CTNNA2: variants seen among roughly 807,000 people sequenced by gnomAD.
CTNNA2 encodes the protein catenin alpha-2.
Under a neutral mutation model 101.0 loss-of-function variants are expected in CTNNA2, and 42 were observed. The ratio of observed to expected loss-of-function variants is 0.42; its 90% CI spans 0.32 to 0.54. The LOEUF (loss-of-function observed/expected upper bound fraction) is 0.54, where lower values mean the gene tolerates loss of function less well. CTNNA2 is among the 20% of genes least tolerant of loss of function. The probability of loss-of-function intolerance (pLI) is 0.14; values close to 1 mark genes in which losing one functional copy is unlikely to be tolerated. For synonymous variants in CTNNA2, 450 were observed against 456.4 expected, an observed-to-expected ratio of 0.99 and a Z score of 0.18; for missense variants, 871 against 1,223.1, an observed-to-expected ratio of 0.71 and a Z score of 4.29.
At position 80,302,893 on chromosome 2, in the gene CTNNA2, G is replaced by A. The variant is rs2149208126; in HGVS notation, c.1057-90318G>A. 1.2e-6 allele frequency: 2 copies of A among 1,614,176 alleles called. No homozygotes were observed. Among genetic ancestry groups the A allele is most frequent in the Non-Finnish European group, 1.7e-6 (2 of 1,180,034 alleles). On this transcript the variant is annotated intron_variant, in intron 7 of 18. Transcript: ENST00000402739. The surrounding 1 kb of genome is among the most constrained non-coding windows in gnomAD (Gnocchi z 6.4). The stretch of plus-strand genomic sequence containing the variant: ...AATCCCACAGGTTCCCGGCCAGGGT[G>A]ATGCTTGTCAGGGACTTCCAAGAGT...
At chr2:80,328,295 C>G (rs1469654271) in intron 7 of CTNNA2, 1 of 471,130 alleles carries the variant, frequency 2.1e-6, no homozygotes, top group Admixed American at 2.3e-5. Flanking sequence ...TTGCTCTGTC[C>G]TGAATGAGGA....
intron 3 of CTNNA2, among the ~76,000 whole-genome samples, chr2:79,338,465 T>A (rs181770978): frequency 1.3e-5 from 2 of 152,114 alleles, no homozygotes; most frequent in Non-Finnish European, 2.9e-5. Context: ...TGAAACAAGA[T>A]GGGAGGGTGA....
At chr2:80,350,261 A>G (rs1157881044) in intron 7 of CTNNA2, among the ~76,000 whole-genome samples, 1 of 152,182 alleles carries the variant, frequency 6.6e-6, no homozygotes, top group Non-Finnish European at 1.5e-5. Context: ...GTGCCAACTG[A>G]GTCATTTGAC....
At chr2:79,855,380 G>C (rs1681046638) in intron 3 of CTNNA2, among the ~76,000 whole-genome samples, 1 of 152,134 alleles carries the variant, frequency 6.6e-6, no homozygotes, top group Non-Finnish European at 1.5e-5. Flanking sequence ...TGACCAGATG[G>C]TTGGCATCTG....
At chr2:80,523,346 A>G (rs1026971568) in intron 9 of CTNNA2, among the ~76,000 whole-genome samples, 4 of 152,108 alleles carry the variant, frequency 2.6e-5, no homozygotes, top group Non-Finnish European at 4.4e-5. Context: ...TTCATAGAAT[A>G]AAAAAAGATG....
chr2:79,760,223 A>G (rs969341796), intron 3 of CTNNA2, among the ~76,000 whole-genome samples: 4 of 152,164 alleles, frequency 2.6e-5, no homozygotes, highest in African/African-American at 9.7e-5. Flanking sequence ...TAATTAAGAC[A>G]TTTGCTCAGA....
Position 80,094,323 on chromosome 2 carries a change from C to T in CTNNA2, c.1056+184526C>T, listed in dbSNP as rs568661418. Among the ~76,000 whole-genome samples, 241 of 151,878 alleles carry T rather than the reference C, an allele frequency of 1.6e-3. 5 individuals are homozygous for T. The East Asian group carries it at 0.028, about 18-fold the overall frequency. On this transcript the variant is annotated intron_variant, in intron 7 of 18. Coordinates refer to ENST00000402739, the MANE Select transcript of CTNNA2 (RefSeq NM_001282597.3). The stretch of plus-strand genomic sequence containing the variant: ...CAAAGATCAGATAGTTGTAGATATG[C>T]GGCATTATTTCTGAGGGCTCTGTTC...
At chr2:79,963,096 A>AT (rs1689774726) in intron 7 of CTNNA2, among the ~76,000 whole-genome samples, 1 of 139,922 alleles carries the variant, frequency 7.1e-6, no homozygotes, top group African/African-American at 2.6e-5. Context: ...AAAAAAAAAA[A>AT]TGTTACACAA....
intron 7 of CTNNA2, among the ~76,000 whole-genome samples, chr2:80,248,542 T>C (rs1671517588): frequency 6.6e-6 from 1 of 152,206 alleles, no homozygotes; most frequent in South Asian, 2.1e-4. Context: ...TGTCATTTCA[T>C]CATAGTTATT....
chr2:80,534,112 G>A (rs538315540), intron 9 of CTNNA2, among the ~76,000 whole-genome samples: 6 of 152,240 alleles, frequency 3.9e-5, no homozygotes, highest in African/African-American at 1.4e-4. Flanking sequence ...TTTGGGCAGA[G>A]GCATGCAAAC....
intron 2 of CTNNA2, among the ~76,000 whole-genome samples, chr2:79,246,600 C>T (rs1674703333): frequency 6.6e-6 from 1 of 152,160 alleles, no homozygotes; most frequent in Non-Finnish European, 1.5e-5. Context: ...AGGAATGAGA[C>T]ATAGGGAAGA....
intron 2 of CTNNA2, among the ~76,000 whole-genome samples, chr2:79,722,312 A>G (rs558677963): frequency 1.2e-4 from 18 of 152,240 alleles, no homozygotes; most frequent in African/African-American, 4.3e-4. Context: ...GAGGGGGTGA[A>G]ATGGGCTTAA....
At chr2:79,956,843 GTTTTTTTTTTTTTTT>G (rs66471325) in intron 7 of CTNNA2, among the ~76,000 whole-genome samples, 4 of 98,936 alleles carry the variant, frequency 4.0e-5, no homozygotes, top group African/African-American at 1.9e-4. Flanking sequence ...ATACGTGTGG[GTTTTTTTTTTTTTTT>G]TTTTTTTTTT....
At chr2:79,349,934 C>T (rs1018420597) in intron 3 of CTNNA2, among the ~76,000 whole-genome samples, 14 of 151,564 alleles carry the variant, frequency 9.2e-5, no homozygotes, top group African/African-American at 2.7e-4. Flanking sequence ...ATTAGCCAGG[C>T]GTGGTGGCGG....
At chr2:79,657,568 A>AT (rs1301160647) in intron 2 of CTNNA2, among the ~76,000 whole-genome samples, 1 of 151,828 alleles carries the variant, frequency 6.6e-6, no homozygotes, top group Admixed American at 6.6e-5. Flanking sequence ...AACATTAATC[A>AT]TTTTTTAGAG....
intron 3 of CTNNA2, among the ~76,000 whole-genome samples, chr2:79,758,410 G>A (rs1672540903): frequency 6.6e-6 from 1 of 152,184 alleles, no homozygotes; most frequent in South Asian, 2.1e-4. Flanking sequence ...GCTTCTAGAT[G>A]TGACTCTTCT....
At chr2:80,596,382 T>C (rs1310957132) in intron 15 of CTNNA2, among the ~76,000 whole-genome samples, 1 of 134,732 alleles carries the variant, frequency 7.4e-6, no homozygotes, top group Non-Finnish European at 1.5e-5. Context: ...TGATCTCGGC[T>C]CACTGCAAGC....
At chr2:79,899,372 G>A (rs1417715244) in intron 6 of CTNNA2, among the ~76,000 whole-genome samples, 1 of 152,084 alleles carries the variant, frequency 6.6e-6, no homozygotes, top group East Asian at 1.9e-4. Flanking sequence ...CTCCTGAAAT[G>A]CCATAGCAAC....
upstream of CTNNA2, among the ~76,000 whole-genome samples, chr2:79,510,355 G>A (rs1478042586): frequency 6.6e-6 from 1 of 151,986 alleles, no homozygotes; most frequent in Non-Finnish European, 1.5e-5. Context: ...AAAGAAATAA[G>A]GGTTTTAAAA....
Sources: allele counts gnomAD v4.1 joint callset (sites outside exome capture counted in the v4.1 genomes callset), GRCh38; gene constraint gnomAD v4.1.1; non-coding constraint Gnocchi (gnomAD v3.1); transcripts MANE v1.5; gene names NCBI Gene and HGNC (gene_info 2026-07-23, HGNC 2026-07-21).